Variants in NEB observed in about 807,000 individuals in gnomAD.
NEB encodes the protein nemaline myopathy type 2.
NEB carries 512 observed loss-of-function variants against 952.2 expected under a neutral mutation model. The observed-to-expected ratio is 0.54, with a 90% CI of 0.50 to 0.58. The LOEUF (loss-of-function observed/expected upper bound fraction) is 0.58, where lower values mean the gene tolerates loss of function less well. NEB is among the 20% of genes least tolerant of loss of function. The pLI is 0.00. For synonymous variants in NEB, 2,900 were observed against 3,149.8 expected, an observed-to-expected ratio of 0.92 and a Z score of 2.66; for missense variants, 8,428 against 9,231.1, an observed-to-expected ratio of 0.91 and a Z score of 3.56.
chr2:151,662,212 C>T lies in NEB; in HGVS notation c.5893G>A (p.Asp1965Asn). Residue 1965 changes from aspartate (D) to asparagine (N), a missense_variant, in exon 46 of 182, where the codon GAC becomes AAC. This residue lies in a region of NEB where 2,851 missense variants were observed against 2,791.5 expected (regional missense o/e 1.02). Transcript: ENST00000397345. The stretch of plus-strand genomic sequence containing the variant: ...ATGAGTGTGGAATACTTCAAAGTGT[C>T]TGGGTGCTGGCGGTACTTCTTTTCA... ...ISEKKYRQHP[D>N]TLKYSTLMDS... 1 of 1,613,654 alleles carries T rather than the reference C, an allele frequency of 6.2e-7. No homozygotes were observed. Among genetic ancestry groups the T allele is most frequent in the Non-Finnish European group, 8.5e-7 (1 of 1,179,682 alleles).
rs773106490 is a variant in NEB, at chr2:151,653,942, A to C, written c.6915+50T>G. ...TAAAAATAGTTACCGACATTAAGTC[A>C]CCTGATTCAGATAAAAATATAGCCT... On this transcript the variant is annotated intron_variant, in intron 52 of 181. Coordinates refer to ENST00000397345, the MANE Select transcript of NEB (RefSeq NM_001164508.2). 8.2e-6 allele frequency: 10 copies of C among 1,221,922 alleles called. 1 individual carries two copies. The South Asian group carries it at 1.0e-4, about 13-fold the overall frequency. 75.7% of individuals were successfully genotyped at this position (1,221,922 alleles called of 1,614,324 possible). A position where few individuals can be genotyped will look rare whatever the true frequency, so the allele number is the denominator to read the frequency against.
intron 9 of NEB, among the ~76,000 whole-genome samples, chr2:151,719,349 T>C (rs1438105662): frequency 6.6e-6 from 1 of 152,202 alleles, no homozygotes; most frequent in Non-Finnish European, 1.5e-5. Context: ...AACTGTGAAG[T>C]TTCTACGATT....
At position 151,672,433 on chromosome 2, in the gene NEB, T is replaced by A. The variant is rs1441898075; in HGVS notation, c.4235A>T (p.Tyr1412Phe). Residue 1412 changes from tyrosine to phenylalanine, a missense_variant, in exon 37 of 182, where the codon TAC becomes TTC. Coordinates refer to ENST00000397345, the MANE Select transcript of NEB (RefSeq NM_001164508.2). ...NVNYKQPLHH[Y>F]TYLPDAMSLE... Reference sequence around the variant, plus strand: ...ACTCATGGCGTCAGGTAGGTATGTGTAATGATGCAATGGCTGTTTGTAGTT... The same window carrying A: ...ACTCATGGCGTCAGGTAGGTATGTGAAATGATGCAATGGCTGTTTGTAGTT... 3 of 1,613,860 alleles carry A rather than the reference T, an allele frequency of 1.9e-6. No homozygotes were observed. The Admixed American group carries it at 5.0e-5, about 27-fold the overall frequency.
In NEB at chr2:151,541,479, T is replaced by C. The variant is rs745972474; in HGVS notation, c.20650A>G (p.Arg6884Gly). The C allele has an allele frequency of 5.0e-6, 8 of 1,613,372 alleles. 1 individual carries two copies. The South Asian group carries it at 8.8e-5, about 18-fold the overall frequency. The stretch of plus-strand genomic sequence containing the variant: ...TGAAGCTTCTGCCCTCGCTTGGCTC[T>C]TAAAAGATCAGGAGTATCAGGAACT... Reference protein sequence around the residue: ...TSVPDTPDLLRAKRGQKLQSQ... With the variant: ...TSVPDTPDLLGAKRGQKLQSQ... Residue 6884 changes from arginine (R) to glycine (G), a missense_variant, in exon 136 of 182, where the codon AGA (arginine) becomes GGA (glycine). Arg to Gly is a moderately radical substitution (Grantham distance 125). Coordinates refer to ENST00000397345, the MANE Select transcript of NEB (RefSeq NM_001164508.2).
chr2:151,503,580 A>G (rs985143398), intron 165 of NEB, 139 bp from the exon 166 acceptor site: 22 of 559,872 alleles, frequency 3.9e-5, no homozygotes, highest in Non-Finnish European at 5.6e-5. Context: ...CAGGGGGGAA[A>G]ATTCCATGAA....
intron 125 of NEB, 110 bp downstream of exon 125, chr2:151,554,821 G>A: frequency 1.2e-6 from 1 of 812,540 alleles, no homozygotes; most frequent in Non-Finnish European, 2.2e-6. Context: ...ATCCCATCTA[G>A]GTATGTGGAA....
chr2:151,535,605 TG>T, intron 142 of NEB, 85 bp downstream of exon 142: 1 of 737,988 alleles, frequency 1.4e-6, no homozygotes, highest in Non-Finnish European at 2.2e-6. Flanking sequence ...CCTGTCATTC[TG>T]TGTATTGGGC....
intron 147 of NEB, 79 bp from the exon 148 acceptor site, chr2:151,527,101 G>T: frequency 2.2e-6 from 2 of 925,410 alleles, no homozygotes; most frequent in South Asian, 1.5e-5. Context: ...AACACACAGG[G>T]AGTCCTCTTA....
At chr2:151,533,396 C>A in intron 143 of NEB, 46 bp downstream of exon 143, 1 of 1,321,542 alleles carries the variant, frequency 7.6e-7, no homozygotes. Context: ...GGAATGCATC[C>A]AAGACTTCTT....
chr2:151,673,914 G>A (rs923784418), intron 36 of NEB, among the ~76,000 whole-genome samples: 1 of 151,464 alleles, frequency 6.6e-6, no homozygotes. Flanking sequence ...CTCGTGATCC[G>A]CTCTTCTGAA....
At chr2:151,627,465 T>C (rs953722589) in intron 69 of NEB, 58 bp downstream of exon 69, 14 of 1,580,136 alleles carry the variant, frequency 8.9e-6, no homozygotes, top group Non-Finnish European at 1.2e-5. Flanking sequence ...GACCACTGTC[T>C]CAGTATTTCT....
rs774721812 is a variant in NEB at position 151,663,685 on chromosome 2, G to C, written c.5626C>G (p.Leu1876Val). 4 of 1,613,792 alleles carry C rather than the reference G, an allele frequency of 2.5e-6. No homozygotes were observed. The highest frequency in any genetic ancestry group is 3.4e-6 in the Non-Finnish European group (4 of 1,179,798). The change falls in exon 45 of 182, where the codon CTC (leucine) becomes GTC (valine). Residue 1876 changes from leucine to valine, a missense_variant. Around this residue, in one of 11 missense-constraint regions of NEB, gnomAD observed 2,851 missense variants for 2,791.5 expected, o/e 1.02. Coordinates refer to ENST00000397345, the MANE Select transcript of NEB (RefSeq NM_001164508.2). ...KTSFHTPVDMLSVVAAKKSQE... is the reference protein window; with the variant it reads ...KTSFHTPVDMVSVVAAKKSQE... ...GACTTCTTGGCTGCCACCACACTGA[G>C]CATGTCCACCGGGGTGTGGAAGGAG...
In NEB at chr2:151,496,336, A is replaced by C; in HGVS notation, c.24426T>G (p.Thr8142=). Reference sequence around the variant, plus strand: ...CCATCTCGGGAGTGACAGCTAAAGGAGTTCCCTTGCCCATGTTTTCTTTGT... The same window carrying C: ...CCATCTCGGGAGTGACAGCTAAAGGCGTTCCCTTGCCCATGTTTTCTTTGT... ...VLYKENMGKG[T]PLAVTPEMER... is the part of the protein sequence containing the mutation. The change falls in exon 173 of 182, where the codon ACT becomes ACG. Residue 8142 remains threonine, a synonymous_variant. Coordinates refer to ENST00000397345, the MANE Select transcript of NEB (RefSeq NM_001164508.2). 6.2e-7 allele frequency: 1 copy of C among 1,611,364 alleles called. No individual in the cohort carries two copies. The highest frequency in any genetic ancestry group is 8.5e-7 in the Non-Finnish European group (1 of 1,178,554).
At chr2:151,657,582 A>G (rs1171541988) in intron 48 of NEB, among the ~76,000 whole-genome samples, 2 of 152,194 alleles carry the variant, frequency 1.3e-5, no homozygotes, top group Non-Finnish European at 1.5e-5. Flanking sequence ...CTCATCAACT[A>G]TCATGAGCCC....
At chr2:151,660,358 G>GGGTA (rs1055187825) in intron 46 of NEB, among the ~76,000 whole-genome samples, 4 of 151,964 alleles carry the variant, frequency 2.6e-5, no homozygotes, top group African/African-American at 9.7e-5. Context: ...ATATTCTTGT[G>GGGTA]TGTATGTATG....
At chr2:151,560,788 C>T (rs528030270) in intron 123 of NEB, 89 bp from the exon 124 acceptor site, 8 of 982,108 alleles carry the variant, frequency 8.1e-6, no homozygotes, top group Non-Finnish European at 1.1e-5. Flanking sequence ...GTCTGTCCTT[C>T]TCACACACTC....
intron 8 of NEB, among the ~76,000 whole-genome samples, chr2:151,723,785 T>G (rs2099782704): frequency 6.7e-6 from 1 of 149,680 alleles, no homozygotes; most frequent in Non-Finnish European, 1.5e-5. Flanking sequence ...GGTCATTATT[T>G]GTCATTGTTT....
At position 151,631,364 on chromosome 2, in the gene NEB, G is replaced by A. The variant is rs1418970455; in HGVS notation, c.9415-18C>T. The A allele has an allele frequency of 1.9e-6, 3 of 1,600,002 alleles. No individual in the cohort carries two copies. The highest frequency in any genetic ancestry group is 1.1e-5 in the South Asian group (1 of 90,072). Reference sequence around the variant, plus strand: ...TAAATATTCTGAGCAGAGGAAAAAAGTCAAAAACTCTTCATCAAGACCACA... The same window carrying A: ...TAAATATTCTGAGCAGAGGAAAAAAATCAAAAACTCTTCATCAAGACCACA... On this transcript the variant is annotated intron_variant, in intron 65 of 181. Transcript: ENST00000397345.
chr2:151,535,836 A>C, intron 141 of NEB, 41 bp from the exon 142 acceptor site: 1 of 1,107,010 alleles, frequency 9.0e-7, no homozygotes, highest in Non-Finnish European at 1.3e-6. Flanking sequence ...GCAGGCTATG[A>C]TTATCTTAAG....
Sources: allele counts gnomAD v4.1 joint callset (sites outside exome capture counted in the v4.1 genomes callset), GRCh38; gene constraint gnomAD v4.1.1; regional missense constraint gnomAD v4.1.1; transcripts MANE v1.5; gene names NCBI Gene and HGNC (gene_info 2026-07-23, HGNC 2026-07-21).